IL1RAPL1: variants seen among roughly 807,000 people sequenced by gnomAD.
The protein encoded by IL1RAPL1 is interleukin 1 receptor accessory protein like 1.
Under a neutral mutation model 48.4 loss-of-function variants are expected in IL1RAPL1, and 3 were observed. That is an observed-to-expected ratio of 0.06 (90% CI 0.03 to 0.16). The LOEUF (loss-of-function observed/expected upper bound fraction) is 0.16, where lower values mean the gene tolerates loss of function less well. Among genes scored for constraint, IL1RAPL1 ranks in the 10% least tolerant of loss-of-function variants. The pLI is 1.00. For missense variants in IL1RAPL1, 349 were observed against 530.6 expected (o/e 0.66, Z 3.36); for synonymous variants, 185 against 187.7 (o/e 0.99, Z 0.12).
intron 3 of IL1RAPL1, among the ~76,000 whole-genome samples, chrX:29,392,597 G>A (rs755818084): frequency 1.8e-5 from 2 of 112,251 alleles, no homozygotes; most frequent in South Asian, 7.4e-4. Flanking sequence ...CCATCCTGGA[G>A]AGTCTGGAGT....
chrX:28,605,338 C>T (rs1056056691), intron 1 of IL1RAPL1, among the ~76,000 whole-genome samples: 6 of 112,189 alleles, frequency 5.3e-5, no homozygotes, highest in Admixed American at 9.5e-5. Context: ...CTACTTTGTT[C>T]GCAATTTTCC....
At chrX:29,865,870 G>A (rs1402461858) in intron 6 of IL1RAPL1, among the ~76,000 whole-genome samples, 2 of 103,205 alleles carry the variant, frequency 1.9e-5, no homozygotes, top group African/African-American at 3.6e-5. Flanking sequence ...GACTGGTCTC[G>A]AACTCCTGAC....
chrX:29,333,273 G>A (rs1352782153), intron 3 of IL1RAPL1, among the ~76,000 whole-genome samples: 1 of 109,386 alleles, frequency 9.1e-6, no homozygotes, highest in East Asian at 2.9e-4. Flanking sequence ...TGGCCGGGCG[G>A]GGGGCTGACC....
At chrX:29,897,249 A>G (rs772871522) in intron 6 of IL1RAPL1, among the ~76,000 whole-genome samples, 24 of 112,402 alleles carry the variant, frequency 2.1e-4, no homozygotes, top group African/African-American at 7.4e-4. Flanking sequence ...AACTGATTCA[A>G]TTTGCCTCTC....
chrX:29,198,610 A>T (rs966320831), intron 2 of IL1RAPL1, among the ~76,000 whole-genome samples: 1 of 111,651 alleles, frequency 9.0e-6, no homozygotes. Context: ...TAGAGTTTTC[A>T]TGCATTGGTA....
At chrX:28,686,800 C>T in intron 1 of IL1RAPL1, among the ~76,000 whole-genome samples, 1 of 111,485 alleles carries the variant, frequency 9.0e-6, no homozygotes, top group Non-Finnish European at 1.9e-5. Flanking sequence ...TCTATTCTGC[C>T]TTCTGCATCA....
intron 6 of IL1RAPL1, among the ~76,000 whole-genome samples, chrX:29,700,544 TC>T (rs1927022964): frequency 9.1e-6 from 1 of 110,347 alleles, no homozygotes; most frequent in East Asian, 2.9e-4. Context: ...AAAAAAATCT[TC>T]AAAATTATTT....
intron 2 of IL1RAPL1, among the ~76,000 whole-genome samples, chrX:28,897,062 G>A (rs898260098): frequency 9.0e-6 from 1 of 110,597 alleles, no homozygotes; most frequent in Non-Finnish European, 1.9e-5. Flanking sequence ...GAGAACACAG[G>A]CTAAGGGAGA....
At chrX:29,862,687 T>C (rs1931612520) in intron 6 of IL1RAPL1, among the ~76,000 whole-genome samples, 1 of 111,290 alleles carries the variant, frequency 9.0e-6, no homozygotes, top group Admixed American at 9.6e-5. Flanking sequence ...AAAGCATCTT[T>C]GCATCTTATT....
intron 2 of IL1RAPL1, among the ~76,000 whole-genome samples, chrX:29,241,560 A>G (rs916107341): frequency 9.0e-6 from 1 of 111,458 alleles, no homozygotes; most frequent in African/African-American, 3.3e-5. Flanking sequence ...AGCAAAAAAA[A>G]GGAAATACAG....
chrX:29,820,848 A>T (rs921406982), intron 6 of IL1RAPL1, among the ~76,000 whole-genome samples: 15 of 112,131 alleles, frequency 1.3e-4, no homozygotes, highest in African/African-American at 4.9e-4. Flanking sequence ...TTTTCCACTG[A>T]TACACTAGTG....
intron 2 of IL1RAPL1, among the ~76,000 whole-genome samples, chrX:28,792,127 T>C (rs187627463): frequency 8.9e-6 from 1 of 112,122 alleles, no homozygotes; most frequent in Non-Finnish European, 1.9e-5. Flanking sequence ...ATTCTTTATT[T>C]TATTCATCTT....
At chrX:29,852,404 A>G (rs1931388741) in intron 6 of IL1RAPL1, among the ~76,000 whole-genome samples, 1 of 112,187 alleles carries the variant, frequency 8.9e-6, no homozygotes, top group South Asian at 3.7e-4. Context: ...GAAGTCTTTC[A>G]GTCTACGAAT....
At chrX:29,382,466 A>C (rs1253986425) in intron 3 of IL1RAPL1, among the ~76,000 whole-genome samples, 1 of 111,567 alleles carries the variant, frequency 9.0e-6, no homozygotes, top group African/African-American at 3.3e-5. Flanking sequence ...CAGTGTAATT[A>C]TTCCACCTCC....
At chrX:28,863,680 A>G (rs1348530349) in intron 2 of IL1RAPL1, among the ~76,000 whole-genome samples, 1 of 111,563 alleles carries the variant, frequency 9.0e-6, no homozygotes, top group African/African-American at 3.3e-5. Context: ...CTACTACTAT[A>G]CCTAGATTTC....
chrX:28,833,401 C>T (rs1921121062), intron 2 of IL1RAPL1, among the ~76,000 whole-genome samples: 1 of 111,822 alleles, frequency 8.9e-6, no homozygotes. Flanking sequence ...AATCTACAAA[C>T]AGCTTTCCAC....
chrX:28,946,461 T>A (rs1924307949), intron 2 of IL1RAPL1, among the ~76,000 whole-genome samples: 2 of 111,082 alleles, frequency 1.8e-5, no homozygotes, highest in Admixed American at 1.9e-4. Context: ...ACTTTCTCAT[T>A]CATATTATGA....
chrX:29,442,480 T>A (rs1157842432), intron 5 of IL1RAPL1, among the ~76,000 whole-genome samples: 2 of 111,606 alleles, frequency 1.8e-5, no homozygotes, highest in African/African-American at 6.5e-5. Flanking sequence ...AAATGCCACC[T>A]GTACCCCAAT....
At chrX:29,657,930 C>T (rs1418242877) in intron 5 of IL1RAPL1, among the ~76,000 whole-genome samples, 4 of 106,142 alleles carry the variant, frequency 3.8e-5, no homozygotes, top group Admixed American at 1.0e-4. Flanking sequence ...GCATCCTTTT[C>T]CTATGCTTCA....
Sources: gnomAD v4.1 joint callset for allele counts (sites outside exome capture counted in the v4.1 genomes callset) on GRCh38, gnomAD v4.1.1 for gene constraint, MANE v1.5 for transcripts, NCBI Gene and HGNC (gene_info 2026-07-23, HGNC 2026-07-21) for gene names.